PHACTR2: variants seen among roughly 807,000 people sequenced by gnomAD.
PHACTR2 encodes the protein phosphatase and actin regulator 2, also known as chromosome 6 open reading frame 56.
Under a neutral mutation model 76.0 loss-of-function variants are expected in PHACTR2, and 30 were observed. The ratio of observed to expected loss-of-function variants is 0.39; its 90% confidence interval spans 0.30 to 0.54. The LOEUF (loss-of-function observed/expected upper bound fraction) is 0.54. Ranked by LOEUF, PHACTR2 falls within the 20% of genes least tolerant of loss-of-function variation. The pLI, the probability that PHACTR2 is intolerant of heterozygous loss-of-function variation, is 0.61. For synonymous variants in PHACTR2, 292 were observed against 292.5 expected (o/e 1.00, Z 0.02); for missense variants, 696 against 781.1 (o/e 0.89, Z 1.30).
chr6:143,814,626 G>A (rs911603733), intron 12 of PHACTR2, among the ~76,000 whole-genome samples: 5 of 139,248 alleles, frequency 3.6e-5, no homozygotes, highest in Non-Finnish European at 6.1e-5. Context: ...TTTTTAAGAC[G>A]GAGTCTCGCT....
chr6:143,612,364 C>A (rs559853716), intron 1 of PHACTR2, among the ~76,000 whole-genome samples: 10 of 152,260 alleles, frequency 6.6e-5, no homozygotes, highest in Non-Finnish European at 1.3e-4. Context: ...GGTTGTCATG[C>A]CAAAGTTCCT....
rs1479225478 is a variant in PHACTR2, at chr6:143,774,323, T to TTTTAAA, written c.1589+108_1589+109insTTTAAA. The TTTTAAA allele has an allele frequency of 7.9e-6, 6 of 763,456 alleles. No individual in the cohort carries two copies. The East Asian group carries it at 1.7e-4, about 22-fold the overall frequency. 47.3% of individuals were successfully genotyped at this position (763,456 alleles called of 1,614,324 possible). A position where few individuals can be genotyped will look rare whatever the true frequency, so the allele number is the denominator to read the frequency against. On this transcript the variant is annotated intron_variant, in intron 8 of 12. Transcript: ENST00000440869. This position sits in a 1 kb window ranked among gnomAD's most constrained non-coding sequence, Gnocchi z 5.4. The stretch of plus-strand genomic sequence containing the variant: ...TGAATTCCTTATGTACAGATACATC[T>TTTTAAA]GGCCTACTGGGTCTTTTAAAGTTGG...
chr6:143,629,534 G>C lies in PHACTR2; in HGVS notation c.13+21212G>C, dbSNP rs189323699. ...TCTACAAAATGTCCTTGAGTATTGC[G>C]ATGGAAGCTCATACAAATTAGTGAG... is the stretch of plus-strand genomic sequence containing the variant. On this transcript the variant is annotated intron_variant, in intron 1 of 11. Transcript: ENST00000305766. Among the ~76,000 whole-genome samples the C allele has an allele frequency of 2.8e-4, 42 of 152,226 alleles. No homozygotes were observed. The East Asian group carries it at 7.7e-3, about 28-fold the overall frequency.
Position 143,753,935 on chromosome 6 carries a change from T to C in PHACTR2, c.454+23T>C, listed in dbSNP as rs762990644. ...AAGGTAAAATAAAGACAAACCCATA[T>C]TATTTACTTTAGTATATAGCTCAAT... On this transcript the variant is annotated intron_variant, in intron 4 of 12. Transcript: ENST00000440869. The surrounding 1 kb of genome is among the most constrained non-coding windows in gnomAD (Gnocchi z 4.6). 2.6e-6 allele frequency: 4 copies of C among 1,562,818 alleles called. No homozygotes were observed. Among genetic ancestry groups the C allele is most frequent in the Non-Finnish European group, 2.6e-6 (3 of 1,152,896 alleles).
chr6:143,673,148 T>C (rs1355334879), upstream of PHACTR2, among the ~76,000 whole-genome samples: 2 of 152,170 alleles, frequency 1.3e-5, no homozygotes, highest in East Asian at 1.9e-4. Context: ...CTTATCCTTA[T>C]GCCCATGTGC....
chr6:143,790,741 T>A (rs904210061), intron 11 of PHACTR2, among the ~76,000 whole-genome samples: 1 of 151,644 alleles, frequency 6.6e-6, no homozygotes, highest in Non-Finnish European at 1.5e-5. Context: ...TGGCTCGATC[T>A]CAGCTCACTG....
chr6:143,560,341 C>T (rs1338413788), intron 1 of PHACTR2, among the ~76,000 whole-genome samples: 2 of 152,206 alleles, frequency 1.3e-5, no homozygotes, highest in Non-Finnish European at 2.9e-5. Context: ...TGATTAGAAA[C>T]TGAACCAAGT....
chr6:143,724,333 T>C (rs944064105), intron 2 of PHACTR2, among the ~76,000 whole-genome samples: 3 of 151,992 alleles, frequency 2.0e-5, no homozygotes, highest in Admixed American at 6.6e-5. Flanking sequence ...GGGGTTTCAC[T>C]GTGTTAGCCA....
chr6:143,725,352 C>T (rs1441490807), intron 2 of PHACTR2, among the ~76,000 whole-genome samples: 1 of 150,852 alleles, frequency 6.6e-6, no homozygotes, highest in East Asian at 2.0e-4. Flanking sequence ...AGGCGCCCGC[C>T]ACCATACCCG....
intron 2 of PHACTR2, among the ~76,000 whole-genome samples, chr6:143,718,795 A>T (rs1040966042): frequency 1.1e-4 from 17 of 151,242 alleles, no homozygotes; most frequent in African/African-American, 4.1e-4. Context: ...TTTGTTAAGG[A>T]TTGCTCTGGT....
chr6:143,726,136 G>A (rs1444008580), intron 2 of PHACTR2, among the ~76,000 whole-genome samples: 2 of 152,100 alleles, frequency 1.3e-5, no homozygotes, highest in Non-Finnish European at 2.9e-5. Context: ...GGGATCTTGG[G>A]GTCATATGTT....
chr6:143,702,591 C>G (rs1376922982), intron 1 of PHACTR2, among the ~76,000 whole-genome samples: 1 of 152,024 alleles, frequency 6.6e-6, no homozygotes, highest in African/African-American at 2.4e-5. Flanking sequence ...ATTTGGGAAG[C>G]CAGATAGCCT....
rs185454245 is a variant in PHACTR2 at position 143,742,062 on chromosome 6, G to T, written c.215-6923G>T. Among the ~76,000 whole-genome samples, 1 of 151,606 alleles carries T rather than the reference G, an allele frequency of 6.6e-6. No homozygotes were observed. The highest frequency in any genetic ancestry group is 2.4e-5 in the African/African-American group (1 of 41,222). ...GGAGGTTGCAGTGAGCTGGGATCGC[G>T]CCACTGCACTGCAGCCTGGGTGACA... On this transcript the variant is annotated intron_variant, in intron 2 of 12. Transcript: ENST00000440869. This position sits in a 1 kb window ranked among gnomAD's most constrained non-coding sequence, Gnocchi z 4.5.
intron 1 of PHACTR2, among the ~76,000 whole-genome samples, chr6:143,586,146 C>T (rs1174300167): frequency 4.6e-5 from 7 of 152,214 alleles, no homozygotes; most frequent in East Asian, 1.9e-4. Context: ...TATTTGCCAT[C>T]GTGGAAAGAC....
chr6:143,756,799 G>A (rs1779310208), intron 4 of PHACTR2, among the ~76,000 whole-genome samples: 1 of 151,992 alleles, frequency 6.6e-6, no homozygotes, highest in Admixed American at 6.5e-5. Context: ...TGTAATCTCA[G>A]CACTTTGAGA....
intron 11 of PHACTR2, among the ~76,000 whole-genome samples, chr6:143,792,094 G>A (rs1775704606): frequency 6.6e-6 from 1 of 152,076 alleles, no homozygotes; most frequent in Admixed American, 6.6e-5. Context: ...AGTGGGTTTT[G>A]TGTGTCTTCT....
In PHACTR2 at chr6:143,578,997, G is replaced by A. The variant is rs1004263600; in HGVS notation, c.217+41790G>A. 3.3e-5 allele frequency among the ~76,000 whole-genome samples: 5 copies of A among 152,000 alleles called. No homozygotes were observed. Among genetic ancestry groups the A allele is most frequent in the African/African-American group, 7.2e-5 (3 of 41,386 alleles). Reference sequence around the variant, plus strand: ...CAGCTCACTGCAACCTCCGTCTCCCGGGTTCAAGCCATCCTCCTGCCTCAG... The same window carrying A: ...CAGCTCACTGCAACCTCCGTCTCCCAGGTTCAAGCCATCCTCCTGCCTCAG... On this transcript the variant is annotated intron_variant, in intron 1 of 11. Transcript: ENST00000367584. This position sits in a 1 kb window ranked among gnomAD's most constrained non-coding sequence, Gnocchi z 4.5.
rs1396844859 is a variant in PHACTR2 at position 143,794,000 on chromosome 6, A to G, written c.1845+5090A>G. On this transcript the variant is annotated intron_variant, in intron 11 of 12. Transcript: ENST00000440869. The surrounding 1 kb of genome is among the most constrained non-coding windows in gnomAD (Gnocchi z 4.4). ...AATTTAAGATGTTTATGTGTAGTAT[A>G]TTGTATATACACAAGTGATGAATAT... Among the ~76,000 whole-genome samples, 2 of 152,096 alleles carry G rather than the reference A, an allele frequency of 1.3e-5. No homozygotes were observed. The highest frequency in any genetic ancestry group is 2.9e-5 in the Non-Finnish European group (2 of 68,018).
intron 2 of PHACTR2, among the ~76,000 whole-genome samples, chr6:143,716,826 A>G (rs1778312712): frequency 1.3e-5 from 2 of 152,234 alleles, no homozygotes; most frequent in African/African-American, 2.4e-5. Flanking sequence ...ACATAGCCCA[A>G]GAGCTGGGTG....
Sources: gnomAD v4.1 joint callset for allele counts (sites outside exome capture counted in the v4.1 genomes callset) on GRCh38, gnomAD v4.1.1 for gene constraint, Gnocchi (gnomAD v3.1) non-coding constraint, MANE v1.5 for transcripts, NCBI Gene and HGNC (gene_info 2026-07-23, HGNC 2026-07-21) for gene names.